The following IL1R1 variants were observed in gnomAD, a reference collection of about 807,000 sequenced individuals.
IL1R1 encodes the protein interleukin-1 receptor type 1.
A neutral mutation model predicts 50.2 loss-of-function variants in IL1R1; 22 were observed. The observed-to-expected ratio is 0.44, with a 90% CI of 0.31 to 0.63. The LOEUF (loss-of-function observed/expected upper bound fraction) is 0.63, where lower values mean the gene tolerates loss of function less well. IL1R1 is among the 20% of genes least tolerant of loss of function. The pLI, the probability that IL1R1 is intolerant of heterozygous loss-of-function variation, is 0.07. For missense variants in IL1R1, 509 were observed against 676.2 expected, an observed-to-expected ratio of 0.75 and a Z score of 2.74; for synonymous variants, 251 against 236.7, an observed-to-expected ratio of 1.06 and a Z score of -0.55.
chr2:102,124,851 G>C (rs1359245414), intron 1 of IL1R1, among the ~76,000 whole-genome samples: 1 of 152,026 alleles, frequency 6.6e-6, no homozygotes, highest in Admixed American at 6.5e-5. Context: ...GGGAGGCGGG[G>C]GTTGCAGTGA....
chr2:102,092,437 T>C (rs1323472772), intron 1 of IL1R1, among the ~76,000 whole-genome samples: 1 of 152,176 alleles, frequency 6.6e-6, no homozygotes, highest in African/African-American at 2.4e-5. Context: ...ATCCAGAATA[T>C]CCTTTATCAA....
At chr2:102,076,109 T>G (rs1483023768) in intron 1 of IL1R1, among the ~76,000 whole-genome samples, 1 of 152,238 alleles carries the variant, frequency 6.6e-6, no homozygotes, top group African/African-American at 2.4e-5. Flanking sequence ...AGTTATGTTT[T>G]GAAATGTTTT....
chr2:102,140,716 C>A (rs969628542), upstream of IL1R1, among the ~76,000 whole-genome samples: 5 of 152,128 alleles, frequency 3.3e-5, no homozygotes, highest in Non-Finnish European at 5.9e-5. Context: ...GACAGGCAGG[C>A]ACACCAGTTA....
At position 102,114,769 on chromosome 2, in the gene IL1R1, A is replaced by G. The variant is rs752354727; in HGVS notation, c.-84+9897A>G. ...TGGTAAGGAAATATGACATATATCTATAGAACCTAGGCTCATAGGAAGGTA... is the reference window on the plus strand; with the variant it reads ...TGGTAAGGAAATATGACATATATCTGTAGAACCTAGGCTCATAGGAAGGTA... On this transcript the variant is annotated intron_variant, in intron 1 of 10. Coordinates refer to the IL1R1 transcript ENST00000409329. Among the ~76,000 whole-genome samples, 42 of 152,220 alleles carry G rather than the reference A, an allele frequency of 2.8e-4. 1 individual carries two copies. The highest frequency in any genetic ancestry group is 6.5e-5 in the Admixed American group (1 of 15,286).
At chr2:102,087,670 C>T (rs1303125054) in intron 1 of IL1R1, among the ~76,000 whole-genome samples, 2 of 152,110 alleles carry the variant, frequency 1.3e-5, no homozygotes, top group Admixed American at 6.6e-5. Flanking sequence ...GCTCTCTCTC[C>T]GTCTCTCCTG....
chr2:102,144,402 G>A (rs1175710912), intron 1 of IL1R1, among the ~76,000 whole-genome samples: 2 of 152,094 alleles, frequency 1.3e-5, no homozygotes, highest in Non-Finnish European at 2.9e-5. Flanking sequence ...GACCTTGGCA[G>A]GCCCAGAGCA....
intron 1 of IL1R1, among the ~76,000 whole-genome samples, chr2:102,126,625 T>C (rs976240629): frequency 7.9e-5 from 12 of 152,092 alleles, no homozygotes; most frequent in African/African-American, 2.7e-4. Flanking sequence ...GGACAATTTG[T>C]TGTGCTGTGC....
intron 1 of IL1R1, among the ~76,000 whole-genome samples, chr2:102,080,883 G>A (rs1303753632): frequency 6.6e-6 from 1 of 152,208 alleles, no homozygotes; most frequent in Non-Finnish European, 1.5e-5. Flanking sequence ...ATGGAAAGGA[G>A]TGAAGTACTA....
chr2:102,121,163 G>A (rs966466001), intron 1 of IL1R1, among the ~76,000 whole-genome samples: 1 of 152,156 alleles, frequency 6.6e-6, no homozygotes, highest in Non-Finnish European at 1.5e-5. Flanking sequence ...CCTGTGCACT[G>A]TATGCCATTG....
chr2:102,130,894 G>A (rs1415464986), intron 1 of IL1R1, among the ~76,000 whole-genome samples: 1 of 152,028 alleles, frequency 6.6e-6, no homozygotes, highest in Non-Finnish European at 1.5e-5. Flanking sequence ...TTTAAGAATT[G>A]GACATCAGCT....
At chr2:102,163,302 C>T (rs1684889584) in intron 3 of IL1R1, among the ~76,000 whole-genome samples, 1 of 152,162 alleles carries the variant, frequency 6.6e-6, no homozygotes, top group African/African-American at 2.4e-5. Context: ...TCTTGAAAAA[C>T]TTCAAATATG....
chr2:102,158,381 G>T (rs1684397348), intron 3 of IL1R1, among the ~76,000 whole-genome samples: 1 of 152,154 alleles, frequency 6.6e-6, no homozygotes, highest in South Asian at 2.1e-4. Flanking sequence ...CAAGTATAGG[G>T]AGGAAAAAAG....
In IL1R1 at chr2:102,105,242, C is replaced by A. The variant is rs539570710; in HGVS notation, c.-84+370C>A. Among the ~76,000 whole-genome samples, 13 of 152,208 alleles carry A rather than the reference C, an allele frequency of 8.5e-5. No homozygotes were observed. In the South Asian group the frequency reaches 2.5e-3, roughly 29 times the overall value. On this transcript the variant is annotated intron_variant, in intron 1 of 10. Coordinates refer to the IL1R1 transcript ENST00000409329. Reference sequence around the variant, plus strand: ...AAGTGAAAGGTGTTGTAAATGAAGTCGTTTTATAAGACTGTTGTTACTGTA... The same window carrying A: ...AAGTGAAAGGTGTTGTAAATGAAGTAGTTTTATAAGACTGTTGTTACTGTA...
chr2:102,169,317 G>A (rs1456421864), intron 7 of IL1R1, among the ~76,000 whole-genome samples: 3 of 152,202 alleles, frequency 2.0e-5, no homozygotes, highest in African/African-American at 7.2e-5. Context: ...GCTCTGCACT[G>A]TTTAGTGCAG....
At chr2:102,174,496 C>T in intron 9 of IL1R1, 91 bp from the exon 10 acceptor site, 1 of 965,424 alleles carries the variant, frequency 1.0e-6, no homozygotes, top group South Asian at 1.9e-5. Context: ...TATGGGCTCT[C>T]TGAGACGAAG....
chr2:102,146,794 A>C (rs980890193), intron 1 of IL1R1, among the ~76,000 whole-genome samples: 7 of 152,196 alleles, frequency 4.6e-5, no homozygotes, highest in Admixed American at 1.3e-4. Flanking sequence ...ATGCAGGACA[A>C]GTCTTTTCTG....
intron 1 of IL1R1, among the ~76,000 whole-genome samples, chr2:102,093,531 A>G (rs1298733851): frequency 6.6e-6 from 1 of 152,308 alleles, no homozygotes; most frequent in Non-Finnish European, 1.5e-5. Context: ...CATAATAGCC[A>G]TCCTAAGAGG....
chr2:102,101,411 C>A (rs950714911), upstream of IL1R1, among the ~76,000 whole-genome samples: 1 of 152,194 alleles, frequency 6.6e-6, no homozygotes, highest in Non-Finnish European at 1.5e-5. Flanking sequence ...AAGCAGAAGT[C>A]TCCTGCCCTC....
At chr2:102,171,709 A>G in intron 7 of IL1R1, 92 bp from the exon 8 acceptor site, 7 of 630,406 alleles carry the variant, frequency 1.1e-5, no homozygotes, top group South Asian at 9.7e-5. Context: ...GTGCATTTCT[A>G]TATCTAAAAT....
Sources: allele counts gnomAD v4.1 joint callset (sites outside exome capture counted in the v4.1 genomes callset), GRCh38; gene constraint gnomAD v4.1.1; transcripts MANE v1.5; gene names NCBI Gene and HGNC (gene_info 2026-07-23, HGNC 2026-07-21).